Variants in SEMA4D observed in about 807,000 individuals in gnomAD.
The protein encoded by SEMA4D is semaphorin-4D.
SEMA4D carries 22 observed loss-of-function variants against 74.8 expected under a neutral mutation model. That is an observed-to-expected ratio of 0.29 (90% CI 0.21 to 0.42). The LOEUF (loss-of-function observed/expected upper bound fraction) is 0.42, where lower values mean the gene tolerates loss of function less well. Ranked by LOEUF, SEMA4D falls within the 10% of genes least tolerant of loss-of-function variation. SEMA4D has a pLI of 1.00. For synonymous variants in SEMA4D, 445 were observed against 463.7 expected, an observed-to-expected ratio of 0.96 and a Z score of 0.52; for missense variants, 937 against 1,118.4, an observed-to-expected ratio of 0.84 and a Z score of 2.31.
chr9:89,379,720 T>G, intron 15 of SEMA4D, 91 bp from the exon 16 acceptor site: 2 of 1,398,452 alleles, frequency 1.4e-6, no homozygotes, highest in Non-Finnish European at 1.9e-6. Context: ...GACGCAAGAG[T>G]TTCACCCACT....
chr9:89,380,591 G>A (rs888938858), intron 15 of SEMA4D, among the ~76,000 whole-genome samples: 1 of 152,222 alleles, frequency 6.6e-6, no homozygotes, highest in Non-Finnish European at 1.5e-5. Flanking sequence ...CCTGGAAGGT[G>A]GCTGCTGGGG....
At chr9:89,385,400 TC>T (rs1838219067) in intron 13 of SEMA4D, 4 of 985,294 alleles carry the variant, frequency 4.1e-6, no homozygotes, top group Non-Finnish European at 4.8e-6. Flanking sequence ...AGCTTCTGGG[TC>T]CCCTTCTTTC....
At chr9:89,440,371 TTGACA>T (rs1222214747) in intron 2 of SEMA4D, among the ~76,000 whole-genome samples, 1 of 152,198 alleles carries the variant, frequency 6.6e-6, no homozygotes, top group Non-Finnish European at 1.5e-5. Flanking sequence ...AAATCTGGTC[TTGACA>T]TGCCTCTGCC....
chr9:89,375,922 G>A (rs186572969), downstream of SEMA4D, among the ~76,000 whole-genome samples: 87 of 152,258 alleles, frequency 5.7e-4, 1 homozygote, highest in Non-Finnish European at 7.5e-4. Flanking sequence ...GGAGTGCAGT[G>A]GCACCATCAT....
chr9:89,367,744 C>T (rs571338635), intron 16 of SEMA4D: 7 of 152,362 alleles, frequency 4.6e-5, no homozygotes, highest in South Asian at 4.1e-4. Context: ...CTAGGACTGT[C>T]GTGAGAAGAC....
intron 6 of SEMA4D, among the ~76,000 whole-genome samples, chr9:89,395,424 CAAA>C (rs60494089): frequency 8.9e-6 from 1 of 112,030 alleles, no homozygotes. Context: ...AACTCCGTCT[CAAA>C]AAAAAAAAAA....
chr9:89,461,695 T>TC (rs1364148327), intron 1 of SEMA4D, among the ~76,000 whole-genome samples: 1 of 81,850 alleles, frequency 1.2e-5, no homozygotes, highest in Non-Finnish European at 2.8e-5. Context: ...GTATTTCTTT[T>TC]TTCTCTTTTT....
rs758506563 is a variant in SEMA4D at position 89,387,450 on chromosome 9, C to G, written c.1266G>C (p.Gln422His). The change falls in exon 12 of 16, where the codon CAG (glutamine) becomes CAC (histidine). Residue 422 changes from glutamine to histidine, a missense_variant. By Grantham distance (24) the Gln-to-His change is conservative. Coordinates refer to ENST00000422704, the MANE Select transcript of SEMA4D (RefSeq NM_001371194.2). Reference protein sequence around the residue: ...RLIKKDVNYTQIVVDRTQALD... With the variant: ...RLIKKDVNYTHIVVDRTQALD... ...GGGCCTGGGTCCGGTCCACCACGAT[C>G]TGGGTGTAGTTCACATCTTTCTTGA... 17 of 1,614,112 alleles carry G rather than the reference C, an allele frequency of 1.1e-5. No individual in the cohort carries two copies. The highest frequency in any genetic ancestry group is 5.9e-6 in the Non-Finnish European group (7 of 1,180,048).
In SEMA4D at chr9:89,492,031, G is replaced by A. The variant is rs562553992; in HGVS notation, c.-310+5888C>T. ...TCTTCAGGATGCAACCCTTCCAAGC[G>A]GGCCTCCCTCAGCCCTATCTGCCCA... On this transcript the variant is annotated intron_variant, in intron 1 of 15. Coordinates refer to ENST00000422704, the MANE Select transcript of SEMA4D (RefSeq NM_001371194.2). This position sits in a 1 kb window ranked among gnomAD's most constrained non-coding sequence, Gnocchi z 4.3. Among the ~76,000 whole-genome samples the A allele has an allele frequency of 4.6e-5, 7 of 152,204 alleles. No individual in the cohort carries two copies. In the South Asian group the frequency reaches 6.2e-4, roughly 14 times the overall value.
At chr9:89,389,323 G>A (rs943958067) in intron 9 of SEMA4D, among the ~76,000 whole-genome samples, 8 of 152,222 alleles carry the variant, frequency 5.3e-5, no homozygotes, top group Non-Finnish European at 1.2e-4. Context: ...GTCCATGCCT[G>A]CCTGTGCCCA....
chr9:89,372,647 G>A (rs1280217132), downstream of SEMA4D, among the ~76,000 whole-genome samples: 1 of 152,004 alleles, frequency 6.6e-6, no homozygotes, highest in Non-Finnish European at 1.5e-5. Flanking sequence ...AGGCCCTGCC[G>A]ATGCACTCAG....
intron 2 of SEMA4D, among the ~76,000 whole-genome samples, chr9:89,414,000 G>A (rs1845131653): frequency 6.6e-6 from 1 of 152,212 alleles, no homozygotes; most frequent in Non-Finnish European, 1.5e-5. Context: ...CTGCTGGCAA[G>A]TGTCCTGTAA....
chr9:89,482,996 G>A (rs1403431728), intron 1 of SEMA4D, among the ~76,000 whole-genome samples: 1 of 152,238 alleles, frequency 6.6e-6, no homozygotes, highest in Non-Finnish European at 1.5e-5. Flanking sequence ...AATGGAGTCT[G>A]TATCTCCCCG....
At chr9:89,369,866 A>ATGTGTGTGTG (rs149822470) in intron 16 of SEMA4D, among the ~76,000 whole-genome samples, 2,274 of 151,350 alleles carry the variant, frequency 0.015, 27 homozygotes, top group Middle Eastern at 0.031. Flanking sequence ...TAAGTCAACA[A>ATGTGTGTGTG]TGTGTGTGTG....
chr9:89,419,496 G>C (rs80065757), intron 2 of SEMA4D, among the ~76,000 whole-genome samples: 1 of 152,124 alleles, frequency 6.6e-6, no homozygotes, highest in Non-Finnish European at 1.5e-5. Context: ...CCTGTCACAC[G>C]GGAGGGAGAG....
At chr9:89,458,126 G>T (rs1365090453) in intron 1 of SEMA4D, among the ~76,000 whole-genome samples, 1 of 152,240 alleles carries the variant, frequency 6.6e-6, no homozygotes, top group Non-Finnish European at 1.5e-5. Context: ...AAGGCAGGCT[G>T]TGGAGGGGAG....
Position 89,417,796 on chromosome 9 carries a change from C to T in SEMA4D, c.-243-12097G>A, listed in dbSNP as rs144883105. Among the ~76,000 whole-genome samples, 260 of 152,226 alleles carry T rather than the reference C, an allele frequency of 1.7e-3. 1 individual carries two copies. Among genetic ancestry groups the T allele is most frequent in the East Asian group, 0.015 (76 of 5,168 alleles). On this transcript the variant is annotated intron_variant, in intron 2 of 15. Transcript: ENST00000422704. Reference sequence around the variant, plus strand: ...CCCAAGACCCAGTGGGAGGAGAGGCCGAGAGAGCAGGGAAGAATAGGGGGA... The same window carrying T: ...CCCAAGACCCAGTGGGAGGAGAGGCTGAGAGAGCAGGGAAGAATAGGGGGA...
intron 2 of SEMA4D, among the ~76,000 whole-genome samples, chr9:89,442,616 G>T (rs1271711386): frequency 6.6e-6 from 1 of 152,122 alleles, no homozygotes; most frequent in Non-Finnish European, 1.5e-5. Context: ...AGGTAAAAAT[G>T]GAAAAGACAA....
Position 89,455,932 on chromosome 9 carries a change from C to T in SEMA4D, c.-288G>A, listed in dbSNP as rs1369304012. On this transcript the variant is annotated 5_prime_UTR_variant, in exon 2 of 16. Coordinates refer to ENST00000422704, the MANE Select transcript of SEMA4D (RefSeq NM_001371194.2). ...AACATTTCAGCACATGGTTTCTTTC[C>T]ACTATCTGGTGTTAGCAGAGTCTGA... is the stretch of plus-strand genomic sequence containing the variant. The T allele has an allele frequency of 6.6e-6, 1 of 152,256 alleles. No individual in the cohort carries two copies. The highest frequency in any genetic ancestry group is 1.5e-5 in the Non-Finnish European group (1 of 68,046). The allele number at this position is 152,256 out of a possible 1,614,324, so 9.4% of individuals were successfully genotyped here.
Sources: gnomAD v4.1 joint callset for allele counts (sites outside exome capture counted in the v4.1 genomes callset) on GRCh38, gnomAD v4.1.1 for gene constraint, Gnocchi (gnomAD v3.1) non-coding constraint, MANE v1.5 for transcripts, NCBI Gene and HGNC (gene_info 2026-07-23, HGNC 2026-07-21) for gene names.